Variants in LRP1B observed in about 807,000 individuals in gnomAD.
LRP1B encodes low-density lipoprotein receptor-related protein 1B.
A neutral mutation model predicts 556.6 loss-of-function variants in LRP1B; 217 were observed. That is an observed-to-expected ratio of 0.39 (90% CI 0.35 to 0.44). LRP1B has a LOEUF of 0.44. Ranked by LOEUF, LRP1B falls within the 20% of genes least tolerant of loss-of-function variation. The probability of loss-of-function intolerance (pLI) is 1.00; values close to 1 mark genes in which losing one functional copy is unlikely to be tolerated. For missense variants in LRP1B, 5,053 were observed against 5,620.8 expected, an observed-to-expected ratio of 0.90 and a Z score of 3.23; for synonymous variants, 2,047 against 1,865.8, an observed-to-expected ratio of 1.10 and a Z score of -2.50.
At chr2:141,325,220 C>CACA (rs59681552) in intron 3 of LRP1B, among the ~76,000 whole-genome samples, 111,050 of 151,442 alleles carry the variant, frequency 0.73, 41,617 homozygotes, top group African/African-American at 0.83. Context: ...TCAAATTATC[C>CACA]ACAAGGAAGA....
intron 1 of LRP1B, among the ~76,000 whole-genome samples, chr2:141,920,635 C>T (rs1384122434): frequency 6.6e-6 from 1 of 151,916 alleles, no homozygotes; most frequent in African/African-American, 2.4e-5. Context: ...ATTTCCATAA[C>T]ATTTTAGAAT....
intron 79 of LRP1B, among the ~76,000 whole-genome samples, chr2:140,328,873 C>T (rs1680641055): frequency 6.6e-6 from 1 of 151,904 alleles, no homozygotes; most frequent in Non-Finnish European, 1.5e-5. Flanking sequence ...CAAATAACAG[C>T]AAAATAATCC....
At chr2:141,725,354 A>T (rs1692988672) in intron 2 of LRP1B, among the ~76,000 whole-genome samples, 1 of 151,920 alleles carries the variant, frequency 6.6e-6, no homozygotes, top group Admixed American at 6.6e-5. Context: ...TCATTGTATC[A>T]ATAATTTGTC....
At chr2:141,857,634 A>C (rs1337473813) in intron 1 of LRP1B, among the ~76,000 whole-genome samples, 1 of 151,706 alleles carries the variant, frequency 6.6e-6, no homozygotes, top group East Asian at 1.9e-4. Flanking sequence ...ACAGCACCCG[A>C]CCCCTCTCCA....
chr2:141,477,311 A>AC (rs1392048897), intron 3 of LRP1B, among the ~76,000 whole-genome samples: 1 of 151,796 alleles, frequency 6.6e-6, no homozygotes, highest in Non-Finnish European at 1.5e-5. Flanking sequence ...AAAAAAAAAA[A>AC]AGAAAGAATT....
At chr2:140,379,998 T>G (rs1485473016) in intron 67 of LRP1B, among the ~76,000 whole-genome samples, 1 of 152,150 alleles carries the variant, frequency 6.6e-6, no homozygotes, top group East Asian at 1.9e-4. Context: ...AATACTAATA[T>G]TTATTATAAC....
chr2:141,080,982 A>G (rs1055301959), intron 7 of LRP1B, among the ~76,000 whole-genome samples: 1 of 151,926 alleles, frequency 6.6e-6, no homozygotes, highest in Non-Finnish European at 1.5e-5. Flanking sequence ...ACAGGCACAC[A>G]CCATCATGCC....
chr2:141,558,278 A>C (rs1686031606), intron 2 of LRP1B, among the ~76,000 whole-genome samples: 1 of 151,818 alleles, frequency 6.6e-6, no homozygotes, highest in Non-Finnish European at 1.5e-5. Context: ...CCTATGCTGG[A>C]GTAAAGTTAT....
chr2:140,409,607 T>A (rs1684887036), intron 66 of LRP1B, among the ~76,000 whole-genome samples: 3 of 152,188 alleles, frequency 2.0e-5, no homozygotes, highest in African/African-American at 7.2e-5. Flanking sequence ...TAGCTAATTT[T>A]TTTTAGTTTA....
At chr2:142,018,236 G>T (rs1441947620) in intron 1 of LRP1B, among the ~76,000 whole-genome samples, 2 of 152,022 alleles carry the variant, frequency 1.3e-5, no homozygotes, top group Non-Finnish European at 2.9e-5. Flanking sequence ...TTCTTAAGTT[G>T]CAGTTGATAT....
In LRP1B at chr2:141,642,832, A is replaced by G. The variant is rs557589759; in HGVS notation, c.206-162299T>C. ...TAAAACTGTTCTTAGAGAGATTAAAATGACAAGGTCCATTTTGTAGCGAGT... is the reference window on the plus strand; with the variant it reads ...TAAAACTGTTCTTAGAGAGATTAAAGTGACAAGGTCCATTTTGTAGCGAGT... On this transcript the variant is annotated intron_variant, in intron 2 of 90. Transcript: ENST00000389484. Among the ~76,000 whole-genome samples the G allele has an allele frequency of 5.9e-5, 9 of 152,286 alleles. No individual in the cohort carries two copies. In the South Asian group the frequency reaches 1.9e-3, roughly 32 times the overall value.
chr2:141,812,830 A>G (rs1696402855), intron 1 of LRP1B, among the ~76,000 whole-genome samples: 2 of 152,144 alleles, frequency 1.3e-5, no homozygotes, highest in South Asian at 4.1e-4. Flanking sequence ...GTGATGTGAC[A>G]TATGAGTTAA....
chr2:141,358,838 A>G (rs1688719168), intron 3 of LRP1B, among the ~76,000 whole-genome samples: 1 of 152,218 alleles, frequency 6.6e-6, no homozygotes, highest in South Asian at 2.1e-4. Flanking sequence ...AAATGGATAC[A>G]TATAAAACAT....
chr2:140,358,185 C>G (rs1422608988), intron 73 of LRP1B, 69 bp from the exon 74 acceptor site: 1 of 1,432,172 alleles, frequency 7.0e-7, no homozygotes, highest in African/African-American at 1.4e-5. Context: ...CATGTAATAG[C>G]TCCAAAATTT....
intron 86 of LRP1B, among the ~76,000 whole-genome samples, chr2:140,251,566 C>T (rs947553495): frequency 6.6e-6 from 1 of 151,806 alleles, no homozygotes; most frequent in African/African-American, 2.4e-5. Flanking sequence ...CAAAGGTGAA[C>T]CTTAAAGCAA....
In LRP1B at chr2:141,846,323, TA is replaced by T. The variant is rs1355987445; in HGVS notation, c.83-35923del. Among the ~76,000 whole-genome samples the T allele has an allele frequency of 2.0e-5, 3 of 151,496 alleles. No homozygotes were observed. The East Asian group carries it at 5.8e-4, about 29-fold the overall frequency. ...TTCTGGGAAAATATATATGATAAAT[TA>T]AAAAGAAGAAATTGGGAATGTAAAT... On this transcript the variant is annotated intron_variant, in intron 1 of 90. Transcript: ENST00000389484.
At chr2:140,917,728 G>GC (rs1358724478) in intron 21 of LRP1B, among the ~76,000 whole-genome samples, 1 of 152,066 alleles carries the variant, frequency 6.6e-6, no homozygotes, top group African/African-American at 2.4e-5. Context: ...GATTTTTAGA[G>GC]CAGTGAAATT....
chr2:141,812,506 T>C (rs1287328497), intron 1 of LRP1B, among the ~76,000 whole-genome samples: 4 of 152,106 alleles, frequency 2.6e-5, no homozygotes, highest in Non-Finnish European at 5.9e-5. Context: ...GGAAATGTCA[T>C]TCCATAGTGT....
At chr2:141,102,966 GA>G (rs1411287202) in intron 7 of LRP1B, among the ~76,000 whole-genome samples, 6 of 152,048 alleles carry the variant, frequency 3.9e-5, no homozygotes, top group Non-Finnish European at 7.4e-5. Context: ...TTAATAACAA[GA>G]TAATCTTTTC....
Sources: gnomAD v4.1 joint callset for allele counts (sites outside exome capture counted in the v4.1 genomes callset) on GRCh38, gnomAD v4.1.1 for gene constraint, MANE v1.5 for transcripts, NCBI Gene and HGNC (gene_info 2026-07-23, HGNC 2026-07-21) for gene names.